The following ANKRD17 variants were observed in gnomAD, a reference collection of about 807,000 sequenced individuals.
ANKRD17 encodes the protein ankyrin repeat domain 17, also known as ankyrin repeat domain-containing protein 17.
In ANKRD17, 19 loss-of-function variants were observed where a neutral mutation model predicts 229.7. The observed-to-expected ratio is 0.08, with a 90% CI of 0.06 to 0.12. The LOEUF is 0.12. Among genes scored for constraint, ANKRD17 ranks in the 10% least tolerant of loss-of-function variants. The pLI is 1.00. For missense variants in ANKRD17, 2,176 were observed against 3,176.8 expected (o/e 0.68, Z 7.57); for synonymous variants, 1,112 against 1,146.1 (o/e 0.97, Z 0.60).
At chr4:73,240,418 G>C (rs2149259763) in intron 1 of ANKRD17, among the ~76,000 whole-genome samples, 1 of 148,296 alleles carries the variant, frequency 6.7e-6, no homozygotes, top group Non-Finnish European at 1.5e-5. Context: ...GAGCCCAGGA[G>C]TTCTAGAATA....
At chr4:73,250,277 C>T (rs1354776431) in intron 1 of ANKRD17, among the ~76,000 whole-genome samples, 1 of 151,966 alleles carries the variant, frequency 6.6e-6, no homozygotes, top group Non-Finnish European at 1.5e-5. Context: ...CTATGATCAG[C>T]AAGCTTTGAG....
chr4:73,254,135 TTAGA>T (rs1745254885), intron 1 of ANKRD17, among the ~76,000 whole-genome samples: 1 of 152,134 alleles, frequency 6.6e-6, no homozygotes, highest in African/African-American at 2.4e-5. Context: ...AAAAAGGAAT[TTAGA>T]TAGCACTTTT....
intron 1 of ANKRD17, among the ~76,000 whole-genome samples, chr4:73,221,506 C>G (rs1041549681): frequency 2.0e-5 from 3 of 152,136 alleles, no homozygotes; most frequent in Admixed American, 1.3e-4. Context: ...AAGCACACTT[C>G]TTTAAAATCC....
Position 73,258,757 on chromosome 4 carries a change from A to C in ANKRD17, c.-89T>G. The C allele has an allele frequency of 8.0e-7, 1 of 1,256,564 alleles. No individual in the cohort carries two copies. Among genetic ancestry groups the C allele is most frequent in the Non-Finnish European group, 1.0e-6 (1 of 1,001,150 alleles). 77.8% of individuals were successfully genotyped at this position (1,256,564 alleles called of 1,614,324 possible). On this transcript the variant is annotated 5_prime_UTR_variant, in exon 1 of 34. Transcript: ENST00000358602. ...CGGCCGCACTGGGGCCGACACAGCA[A>C]TCGGTGCCGCCTCCGCCGCCACCGC...
chr4:73,120,491 T>TAG (rs112711285), intron 20 of ANKRD17, among the ~76,000 whole-genome samples, 154 bp from the exon 21 acceptor site: 138 of 150,314 alleles, frequency 9.2e-4, no homozygotes, highest in African/African-American at 3.2e-3. Flanking sequence ...TCCTTTGAGT[T>TAG]AGTCTGATCT....
At chr4:73,160,210 CTTTTTTTTTTTT>C (rs144486458) in intron 3 of ANKRD17, among the ~76,000 whole-genome samples, 1 of 61,564 alleles carries the variant, frequency 1.6e-5, no homozygotes, top group African/African-American at 6.8e-5. Context: ...TTTCTTATCA[CTTTTTTTTTTTT>C]TTTTTTTTTT....
intron 1 of ANKRD17, among the ~76,000 whole-genome samples, chr4:73,248,633 CTAA>C (rs1420953236): frequency 6.6e-6 from 1 of 151,766 alleles, no homozygotes; most frequent in Non-Finnish European, 1.5e-5. Flanking sequence ...TAGATAATAG[CTAA>C]TAATCACGTG....
chr4:73,100,724 T>TA (rs1225659027), intron 25 of ANKRD17: 2 of 539,048 alleles, frequency 3.7e-6, no homozygotes, highest in Non-Finnish European at 4.7e-6. Flanking sequence ...CAAAATGTTT[T>TA]AAAAATGTAG....
chr4:73,097,051 A>G, intron 27 of ANKRD17, 66 bp downstream of exon 27: 1 of 1,511,600 alleles, frequency 6.6e-7, no homozygotes, highest in Middle Eastern at 1.7e-4. Flanking sequence ...GAATTTAATT[A>G]TAAGGTAGAT....
Position 73,139,639 on chromosome 4 carries a change from C to G in ANKRD17, c.2977G>C (p.Ala993Pro). ...CCTTGCCCCAGCCCTGCCAACTGTGCTTGGCCCAGTACTGGCTGTCCAACT... is the reference window on the plus strand; with the variant it reads ...CCTTGCCCCAGCCCTGCCAACTGTGGTTGGCCCAGTACTGGCTGTCCAACT... ...VIVGQPVLGQ[A>P]QLAGLGQGIL... Residue 993 changes from alanine (A) to proline (P), a missense_variant, in exon 15 of 34, where the codon GCA becomes CCA. Around this residue, in one of 18 missense-constraint regions of ANKRD17, gnomAD observed 230 missense variants for 252.3 expected, o/e 0.91. Transcript: ENST00000358602. 1 of 1,614,134 alleles carries G rather than the reference C, an allele frequency of 6.2e-7. No homozygotes were observed. The highest frequency in any genetic ancestry group is 8.5e-7 in the Non-Finnish European group (1 of 1,180,012).
In ANKRD17 at chr4:73,142,104, T is replaced by C; in HGVS notation, c.2229+138A>G. On this transcript the variant is annotated intron_variant, in intron 13 of 33. Transcript: ENST00000358602. Reference sequence around the variant, plus strand: ...TCTGAATATTGTACCAGATGTTCATTAACTGTATCAAGTACATATTTACAA... The same window carrying C: ...TCTGAATATTGTACCAGATGTTCATCAACTGTATCAAGTACATATTTACAA... 2 of 927,568 alleles carry C rather than the reference T, an allele frequency of 2.2e-6. 1 individual carries two copies. Among genetic ancestry groups the C allele is most frequent in the Admixed American group, 7.1e-5 (2 of 28,112 alleles). The allele number at this position is 927,568 out of a possible 1,614,324, so 57.5% of individuals were successfully genotyped here. A position where few individuals can be genotyped will look rare whatever the true frequency, so the allele number is the denominator to read the frequency against.
At chr4:73,200,867 A>G (rs561147521) in intron 1 of ANKRD17, among the ~76,000 whole-genome samples, 1 of 151,740 alleles carries the variant, frequency 6.6e-6, no homozygotes, top group African/African-American at 2.4e-5. Context: ...CACCTTTCAG[A>G]TGCCTCCACC....
At position 73,146,836 on chromosome 4, in the gene ANKRD17, T is replaced by C; in HGVS notation, c.1797A>G (p.Thr599=). The part of the protein sequence containing the change: ...NVHATTATGD[T]ALTYACENGH... ...CATTTTCACAGGCATATGTTAGTGC[T>C]GTATCCCCTGTTGCTGTTGTTGCAT... Residue 599 remains threonine (T), a synonymous_variant, in exon 10 of 34, where the codon ACA becomes ACG. Coordinates refer to ENST00000358602, the MANE Select transcript of ANKRD17 (RefSeq NM_032217.5). 6.2e-7 allele frequency: 1 copy of C among 1,612,922 alleles called. No homozygotes were observed. The highest frequency in any genetic ancestry group is 2.2e-5 in the East Asian group (1 of 44,840).
At chr4:73,081,478 T>C (rs1721558531) in intron 30 of ANKRD17, among the ~76,000 whole-genome samples, 1 of 152,162 alleles carries the variant, frequency 6.6e-6, no homozygotes, top group African/African-American at 2.4e-5. Context: ...TATATTCCTT[T>C]TCATGAAAAG....
intron 29 of ANKRD17, 148 bp downstream of exon 29, chr4:73,090,519 T>C: frequency 1.0e-6 from 1 of 1,000,256 alleles, no homozygotes; most frequent in South Asian, 1.7e-5. Flanking sequence ...AACACCATAC[T>C]AAACACAAAC....
At chr4:73,102,175 G>A (rs138429583) in intron 25 of ANKRD17, among the ~76,000 whole-genome samples, 1 of 152,138 alleles carries the variant, frequency 6.6e-6, no homozygotes, top group East Asian at 1.9e-4. Context: ...TGCCCAGGCT[G>A]GTCTTGAACT....
At chr4:73,110,011 CAAAAAAAAA>C (rs1175850592) in intron 24 of ANKRD17, among the ~76,000 whole-genome samples, 3 of 33,218 alleles carry the variant, frequency 9.0e-5, no homozygotes, top group African/African-American at 2.8e-4. Context: ...AAAAGTTTAC[CAAAAAAAAA>C]AAAAAAAAAA....
chr4:73,076,234 G>T lies in ANKRD17; in HGVS notation c.7809C>A (p.Gly2603=). ...HMNSVHMNQL[G] ...CAGGCTAACAAGCTGATCCTCATCAGCCAAGCTGGTTCATATGCACACTGT... is the reference window on the plus strand; with the variant it reads ...CAGGCTAACAAGCTGATCCTCATCATCCAAGCTGGTTCATATGCACACTGT... Residue 2603 remains glycine, a synonymous_variant, in exon 34 of 34, where the codon GGC becomes GGA. Transcript: ENST00000358602. 3.1e-6 allele frequency: 5 copies of T among 1,609,260 alleles called. No individual in the cohort carries two copies. Among genetic ancestry groups the T allele is most frequent in the Non-Finnish European group, 4.2e-6 (5 of 1,177,948 alleles).
At position 73,252,005 on chromosome 4, in the gene ANKRD17, AGGGATCTAC is replaced by A. The variant is rs775607947; in HGVS notation, c.393+6262_393+6270del. Among the ~76,000 whole-genome samples, 10 of 152,372 alleles carry A rather than the reference AGGGATCTAC, an allele frequency of 6.6e-5. No homozygotes were observed. In the South Asian group the frequency reaches 1.7e-3, roughly 25 times the overall value. On this transcript the variant is annotated intron_variant, in intron 1 of 33. Transcript: ENST00000358602. ...TAATGGTTCAATTAAAACATCCCAC[AGGGATCTAC>A]TGTAAATAATAGCTGCAACCAAGTT...
Sources: allele counts gnomAD v4.1 joint callset (sites outside exome capture counted in the v4.1 genomes callset), GRCh38; gene constraint gnomAD v4.1.1; regional missense constraint gnomAD v4.1.1; transcripts MANE v1.5; gene names NCBI Gene and HGNC (gene_info 2026-07-23, HGNC 2026-07-21).